MGLL: variants seen among roughly 807,000 people sequenced by gnomAD.
MGLL encodes the protein lysophospholipase homolog.
MGLL carries 7 observed loss-of-function variants against 29.1 expected under a neutral mutation model. That is an observed-to-expected ratio of 0.24 (90% confidence interval 0.14 to 0.45). The LOEUF is 0.45. MGLL is among the 20% of genes least tolerant of loss of function. The probability of loss-of-function intolerance (pLI) is 0.99; values close to 1 mark genes in which losing one functional copy is unlikely to be tolerated. For synonymous variants in MGLL, 148 were observed against 168.3 expected (o/e 0.88, Z 0.93); for missense variants, 356 against 413.6 (o/e 0.86, Z 1.21).
chr3:127,730,439 C>T (rs1009643184), intron 3 of MGLL, among the ~76,000 whole-genome samples: 5 of 152,222 alleles, frequency 3.3e-5, no homozygotes, highest in African/African-American at 4.8e-5. Flanking sequence ...CTGAAGCATA[C>T]GCACACGTTC....
At position 127,761,429 on chromosome 3, in the gene MGLL, T is replaced by C. The variant is rs2076762689; in HGVS notation, c.262+20360A>G. Among the ~76,000 whole-genome samples the C allele has an allele frequency of 6.6e-6, 1 of 152,188 alleles. No individual in the cohort carries two copies. The highest frequency in any genetic ancestry group is 2.1e-4 in the South Asian group (1 of 4,828). On this transcript the variant is annotated intron_variant, in intron 3 of 7. Coordinates refer to ENST00000265052, the MANE Select transcript of MGLL (RefSeq NM_007283.7). The surrounding 1 kb of genome is among the most constrained non-coding windows in gnomAD (Gnocchi z 4.6). The stretch of plus-strand genomic sequence containing the variant: ...GAGGCCTCCCCAGGGCTCCTCCTTC[T>C]CCAGCAAGCAGTACTAACCTCCACA...
At chr3:127,814,053 A>C (rs1453389306) in intron 2 of MGLL, among the ~76,000 whole-genome samples, 38 of 131,766 alleles carry the variant, frequency 2.9e-4, no homozygotes, top group Admixed American at 7.1e-4. Flanking sequence ...CCTCCCTCCC[A>C]CTCTCCCTTC....
chr3:127,772,092 C>T (rs2076958390), intron 3 of MGLL, among the ~76,000 whole-genome samples: 1 of 152,176 alleles, frequency 6.6e-6, no homozygotes, highest in Admixed American at 6.5e-5. Context: ...TTTATCAAAC[C>T]CCAGGCCCCA....
At chr3:127,820,477 G>C (rs1189515518) in intron 2 of MGLL, among the ~76,000 whole-genome samples, 1 of 152,178 alleles carries the variant, frequency 6.6e-6, no homozygotes, top group Non-Finnish European at 1.5e-5. Flanking sequence ...CCCCAAGTCT[G>C]AGACTCAGAC....
At chr3:127,697,127 G>A (rs972878718) in intron 6 of MGLL, among the ~76,000 whole-genome samples, 7 of 152,332 alleles carry the variant, frequency 4.6e-5, no homozygotes, top group South Asian at 2.1e-4. Flanking sequence ...CCATCTGCTC[G>A]GAGCCTGAGA....
At chr3:127,793,940 AC>A (rs1420955187) in intron 2 of MGLL, among the ~76,000 whole-genome samples, 1 of 152,198 alleles carries the variant, frequency 6.6e-6, no homozygotes, top group Admixed American at 6.5e-5. Flanking sequence ...ATGATGTAAG[AC>A]TATCTTCTGA....
At chr3:127,809,209 T>C (rs2077618533) in intron 2 of MGLL, among the ~76,000 whole-genome samples, 1 of 152,186 alleles carries the variant, frequency 6.6e-6, no homozygotes, top group Admixed American at 6.5e-5. Context: ...TCTTACCTTT[T>C]ATCATGGAGC....
At chr3:127,717,684 T>C (rs1198137129) in intron 5 of MGLL, among the ~76,000 whole-genome samples, 1 of 152,188 alleles carries the variant, frequency 6.6e-6, no homozygotes, top group Non-Finnish European at 1.5e-5. Flanking sequence ...CCTGGTAGGC[T>C]GAGACCCCCA....
At chr3:127,751,438 GC>G (rs997547783) in intron 3 of MGLL, among the ~76,000 whole-genome samples, 2 of 151,550 alleles carry the variant, frequency 1.3e-5, no homozygotes, top group Non-Finnish European at 2.9e-5. Context: ...AGGTGAACAA[GC>G]CCAAGCTAAC....
At chr3:127,744,119 C>A (rs2076397096) in intron 3 of MGLL, among the ~76,000 whole-genome samples, 1 of 152,110 alleles carries the variant, frequency 6.6e-6, no homozygotes, top group African/African-American at 2.4e-5. Context: ...CATTTCGACT[C>A]AGAATTTTTT....
rs76650454 is a variant in MGLL at position 127,718,113 on chromosome 3, G to A, written c.510+2940C>T. Among the ~76,000 whole-genome samples, 947 of 151,966 alleles carry A rather than the reference G, an allele frequency of 6.2e-3. 6 individuals are homozygous for A. The highest frequency in any genetic ancestry group is 0.01 in the Non-Finnish European group (681 of 67,946). On this transcript the variant is annotated intron_variant, in intron 5 of 7. Transcript: ENST00000265052. ...ATCCACATAAGAACCAGATGGTGGC[G>A]AGATTTAGGAGGGTGGGGGTGATCT...
At chr3:127,814,877 C>T (rs2077727870) in intron 2 of MGLL, among the ~76,000 whole-genome samples, 1 of 152,206 alleles carries the variant, frequency 6.6e-6, no homozygotes, top group Middle Eastern at 3.2e-3. Context: ...GAAATAACAG[C>T]TTCATACAAG....
At chr3:127,766,404 T>C (rs1319176299) in intron 3 of MGLL, among the ~76,000 whole-genome samples, 1 of 152,218 alleles carries the variant, frequency 6.6e-6, no homozygotes, top group Non-Finnish European at 1.5e-5. Context: ...ACACGCACCT[T>C]ATTGAAAGTA....
At chr3:127,737,458 A>C (rs1422935270) in intron 3 of MGLL, among the ~76,000 whole-genome samples, 2 of 150,180 alleles carry the variant, frequency 1.3e-5, no homozygotes, top group Non-Finnish European at 3.0e-5. Flanking sequence ...AGAGCGGGGC[A>C]CACAGGAAGC....
chr3:127,718,161 T>C (rs3821588), intron 5 of MGLL, among the ~76,000 whole-genome samples: 5 of 139,506 alleles, frequency 3.6e-5, no homozygotes, highest in East Asian at 2.3e-4. Context: ...TTGCAGGGGG[T>C]GGGGGCTGGC....
intron 6 of MGLL, among the ~76,000 whole-genome samples, chr3:127,702,306 G>A (rs2075506857): frequency 6.6e-6 from 1 of 152,216 alleles, no homozygotes; most frequent in Admixed American, 6.5e-5. Context: ...TTGGTGTGGT[G>A]AGCTGCCTGC....
At position 127,721,141 on chromosome 3, in the gene MGLL, G is replaced by A. The variant is rs773416847; in HGVS notation, c.422C>T (p.Thr141Met). ...HSMGGAIAIL[T>M]AAERPGHFAG... ...GAAGTGGCCCGGCCTCTCTGCGGCC[G>A]TGAGGATGGCGATGGCGCCTCCCTG... The change falls in exon 5 of 8, where the codon ACG (threonine) becomes ATG (methionine). Residue 141 changes from threonine to methionine, a missense_variant. By Grantham distance (81) the Thr-to-Met change is moderately conservative. Transcript: ENST00000265052. 23 of 1,614,194 alleles carry A rather than the reference G, an allele frequency of 1.4e-5. No homozygotes were observed. Among genetic ancestry groups the A allele is most frequent in the Middle Eastern group, 1.6e-4 (1 of 6,062 alleles).
At chr3:127,707,088 A>G (rs2075618289) in intron 6 of MGLL, among the ~76,000 whole-genome samples, 1 of 152,182 alleles carries the variant, frequency 6.6e-6, no homozygotes, top group East Asian at 1.9e-4. Flanking sequence ...AACTCAGCAT[A>G]TGGCCTGCCT....
intron 5 of MGLL, chr3:127,713,951 G>A (rs959127926): frequency 6.6e-6 from 1 of 152,362 alleles, no homozygotes; most frequent in South Asian, 2.1e-4. Context: ...GGAACAGAGA[G>A]CCAGAGAGAG....
Sources: allele counts gnomAD v4.1 joint callset (sites outside exome capture counted in the v4.1 genomes callset), GRCh38; gene constraint gnomAD v4.1.1; non-coding constraint Gnocchi (gnomAD v3.1); transcripts MANE v1.5; gene names NCBI Gene and HGNC (gene_info 2026-07-23, HGNC 2026-07-21).